The following CNNM1 variants were observed in gnomAD, a reference collection of about 807,000 sequenced individuals.
The protein encoded by CNNM1 is metal transporter CNNM1.
A neutral mutation model predicts 78.8 loss-of-function variants in CNNM1; 44 were observed. The ratio of observed to expected loss-of-function variants is 0.56; its 90% confidence interval spans 0.44 to 0.72. The LOEUF (loss-of-function observed/expected upper bound fraction) is 0.72. Ranked by LOEUF, CNNM1 falls within the 30% of genes least tolerant of loss-of-function variation. The pLI, the probability that CNNM1 is intolerant of heterozygous loss-of-function variation, is 0.00. For synonymous variants in CNNM1, 584 were observed against 581.5 expected (o/e 1.00, Z -0.06); for missense variants, 1,101 against 1,292.2 (o/e 0.85, Z 2.27).
chr10:99,331,589 G>A (rs957036275), intron 1 of CNNM1, among the ~76,000 whole-genome samples: 16 of 152,194 alleles, frequency 1.1e-4, no homozygotes, highest in South Asian at 8.3e-4. Context: ...GTCCAGGGCC[G>A]GGCGCGGCGG....
intron 10 of CNNM1, among the ~76,000 whole-genome samples, chr10:99,390,665 C>G (rs182586235): frequency 1.3e-5 from 2 of 152,348 alleles, no homozygotes; most frequent in South Asian, 2.1e-4. Context: ...GACCTCCCTC[C>G]TTTACTTGTT....
chr10:99,346,308 CTT>C (rs2030693754), intron 1 of CNNM1, among the ~76,000 whole-genome samples: 1 of 152,250 alleles, frequency 6.6e-6, no homozygotes, highest in African/African-American at 2.4e-5. Flanking sequence ...ATTAAGGACA[CTT>C]TGAATTAGAG....
In CNNM1 at chr10:99,330,451, C is replaced by T; in HGVS notation, c.1064C>T (p.Ala355Val). The change falls in exon 1 of 11, where the codon GCC becomes GTC. Residue 355 changes from alanine (A) to valine (V), a missense_variant. Physicochemically the swap from Ala to Val is moderately conservative, Grantham distance 64. Around this residue, in one of 3 missense-constraint regions of CNNM1, gnomAD observed 277 missense variants for 423.2 expected, o/e 0.65. Transcript: ENST00000356713. ...SVCSRHGLAIASHSVCLTRLL... is the reference protein window; with the variant it reads ...SVCSRHGLAIVSHSVCLTRLL... ...TGTTCGCGGCACGGGCTGGCCATCG[C>T]CTCGCACAGCGTGTGCCTGACCCGG... The T allele has an allele frequency of 6.3e-7, 1 of 1,589,492 alleles. No homozygotes were observed. The highest frequency in any genetic ancestry group is 8.6e-7 in the Non-Finnish European group (1 of 1,168,874).
intron 1 of CNNM1, among the ~76,000 whole-genome samples, chr10:99,331,924 T>TC (rs1464033387): frequency 6.6e-6 from 1 of 152,168 alleles, no homozygotes; most frequent in Non-Finnish European, 1.5e-5. Flanking sequence ...CCAACTCTCC[T>TC]CCCCAAACTC....
intron 1 of CNNM1, among the ~76,000 whole-genome samples, chr10:99,356,786 A>G (rs2031233313): frequency 6.6e-6 from 1 of 152,178 alleles, no homozygotes; most frequent in African/African-American, 2.4e-5. Context: ...GGGTGGGCTC[A>G]GCTGGGACTG....
chr10:99,372,505 C>T (rs2031834366), intron 6 of CNNM1, among the ~76,000 whole-genome samples: 1 of 152,180 alleles, frequency 6.6e-6, no homozygotes, highest in South Asian at 2.1e-4. Context: ...TTTGATCTGT[C>T]TCCTTCCAGA....
chr10:99,349,675 T>A (rs1457833532), intron 1 of CNNM1, among the ~76,000 whole-genome samples: 1 of 152,168 alleles, frequency 6.6e-6, no homozygotes, highest in Non-Finnish European at 1.5e-5. Context: ...CAAACTTTAG[T>A]GTGCATAAGA....
intron 6 of CNNM1, among the ~76,000 whole-genome samples, chr10:99,369,327 T>C (rs1461554560): frequency 2.0e-5 from 3 of 152,230 alleles, no homozygotes; most frequent in Admixed American, 6.5e-5. Flanking sequence ...GTTGTTCTCT[T>C]GGGCTCATAG....
intron 6 of CNNM1, 145 bp from the exon 7 acceptor site, chr10:99,376,910 C>T: frequency 2.6e-6 from 2 of 758,030 alleles, no homozygotes; most frequent in South Asian, 1.8e-5. Context: ...CCCATCACCA[C>T]CACCCAGTGT....
At chr10:99,391,180 G>A (rs1341789985) in intron 10 of CNNM1, among the ~76,000 whole-genome samples, 1 of 152,248 alleles carries the variant, frequency 6.6e-6, no homozygotes, top group Non-Finnish European at 1.5e-5. Flanking sequence ...GTCCCCTCCA[G>A]GAAGTCTCAA....
intron 6 of CNNM1, among the ~76,000 whole-genome samples, chr10:99,376,592 G>C (rs1194216682): frequency 6.6e-6 from 1 of 152,168 alleles, no homozygotes; most frequent in Non-Finnish European, 1.5e-5. Flanking sequence ...GATTGGAGTT[G>C]ATGTAAAATA....
At chr10:99,353,533 G>A (rs1303482116) in intron 1 of CNNM1, among the ~76,000 whole-genome samples, 2 of 152,180 alleles carry the variant, frequency 1.3e-5, no homozygotes, top group African/African-American at 2.4e-5. Flanking sequence ...GCTTCACATA[G>A]GGCCACCCCC....
chr10:99,381,226 C>T (rs1459462625), intron 7 of CNNM1, among the ~76,000 whole-genome samples: 1 of 151,370 alleles, frequency 6.6e-6, no homozygotes, highest in African/African-American at 2.4e-5. Context: ...GCCTGGCCAA[C>T]GTGGTGAAAC....
rs375543863 is a variant in CNNM1, at chr10:99,392,973, A to AAAAG, written c.*1471_*1474dup. On this transcript the variant is annotated 3_prime_UTR_variant, in exon 11 of 11. Coordinates refer to ENST00000356713, the MANE Select transcript of CNNM1 (RefSeq NM_020348.3). ...ACTCTGTCTCCCCCCGCAAAAAAAA[A>AAAAG]AAAGAAAGAAAGAAAGAGAAAAGAA... 1 of 152,134 alleles carries AAAAG rather than the reference A, an allele frequency of 6.6e-6. No individual in the cohort carries two copies. The highest frequency in any genetic ancestry group is 2.1e-4 in the South Asian group (1 of 4,826). The allele number at this position is 152,134 out of a possible 1,614,324, so 9.4% of individuals were successfully genotyped here.
chr10:99,365,212 C>T (rs1306579435), intron 6 of CNNM1: 5 of 651,686 alleles, frequency 7.7e-6, no homozygotes, highest in Non-Finnish European at 1.1e-5. Context: ...ATGTTTTCTG[C>T]TGCTTCTCTG....
chr10:99,365,815 C>T (rs1034537518), intron 6 of CNNM1, among the ~76,000 whole-genome samples: 3 of 152,152 alleles, frequency 2.0e-5, no homozygotes, highest in Admixed American at 6.6e-5. Flanking sequence ...AAAGATTTTA[C>T]ATATTGCCTT....
intron 6 of CNNM1, among the ~76,000 whole-genome samples, chr10:99,375,885 C>T (rs1483305418): frequency 2.0e-5 from 3 of 152,092 alleles, no homozygotes; most frequent in Non-Finnish European, 2.9e-5. Flanking sequence ...GGTGGTTCCA[C>T]GGTTGAGATG....
At chr10:99,355,251 A>T in intron 1 of CNNM1, among the ~76,000 whole-genome samples, 1 of 131,674 alleles carries the variant, frequency 7.6e-6, no homozygotes, top group Middle Eastern at 4.1e-3. Flanking sequence ...CAGGAAGGGG[A>T]ACATCACACA....
At chr10:99,374,701 A>G (rs773907923) in intron 6 of CNNM1, among the ~76,000 whole-genome samples, 4 of 152,204 alleles carry the variant, frequency 2.6e-5, no homozygotes, top group South Asian at 4.1e-4. Context: ...GAGTCATTGT[A>G]TCGCCCTGTG....
Sources: gnomAD v4.1 joint callset for allele counts (sites outside exome capture counted in the v4.1 genomes callset) on GRCh38, gnomAD v4.1.1 for gene constraint, gnomAD v4.1.1 regional missense constraint, MANE v1.5 for transcripts, NCBI Gene and HGNC (gene_info 2026-07-23, HGNC 2026-07-21) for gene names.